MBD1: variants seen among roughly 807,000 people sequenced by gnomAD.
MBD1 encodes methyl-CpG-binding domain protein 1.
In MBD1, 25 loss-of-function variants were observed where a neutral mutation model predicts 82.6. The ratio of observed to expected loss-of-function variants is 0.30; its 90% CI spans 0.22 to 0.42. The LOEUF is 0.42. MBD1 is among the 10% of genes least tolerant of loss of function. The pLI is 1.00. For synonymous variants in MBD1, 301 were observed against 303.7 expected, an observed-to-expected ratio of 0.99 and a Z score of 0.09; for missense variants, 627 against 819.6, an observed-to-expected ratio of 0.76 and a Z score of 2.87.
intron 16 of MBD1, 199 bp from the exon 17 acceptor site, chr18:50,270,017 G>A (rs2034819273): frequency 1.3e-6 from 2 of 1,597,916 alleles, no homozygotes; most frequent in Non-Finnish European, 1.7e-6. Flanking sequence ...GAGTCTAAAT[G>A]TCAATCAAAT....
Position 50,276,687 on chromosome 18 carries a change from G to C in MBD1, c.450C>G (p.Leu150=), listed in dbSNP as rs746182559. 2 of 1,614,158 alleles carry C rather than the reference G, an allele frequency of 1.2e-6. No individual in the cohort carries two copies. The highest frequency in any genetic ancestry group is 2.2e-5 in the South Asian group (2 of 91,082). ...CTCGACAGTCTTTGCACAACGTTTTGAGCCGCTGCCTTTGGGTGCCATCCC... is the reference window on the plus strand; with the variant it reads ...CTCGACAGTCTTTGCACAACGTTTTCAGCCGCTGCCTTTGGGTGCCATCCC... ...FSGDGTQRQR[L]KTLCKDCRAQ... The change falls in exon 5 of 17, where the codon CTC becomes CTG. Residue 150 remains leucine, a synonymous_variant. Coordinates refer to ENST00000269468, the MANE Select transcript of MBD1 (RefSeq NM_015846.4).
chr18:50,267,557 A>T (rs1476772502), downstream of MBD1: 10 of 1,402,520 alleles, frequency 7.1e-6, no homozygotes, highest in Non-Finnish European at 9.8e-6. Flanking sequence ...GTTTCTGAGA[A>T]TCAGGATCCA....
chr18:50,276,298 A>G, intron 6 of MBD1, 80 bp downstream of exon 6: 1 of 1,428,916 alleles, frequency 7.0e-7, no homozygotes, highest in Non-Finnish European at 9.8e-7. Context: ...TGGACCCATC[A>G]TCATCCCTTC....
In MBD1 at chr18:50,275,157, G is replaced by A. The variant is rs1173827934; in HGVS notation, c.881C>T (p.Pro294Leu). The A allele has an allele frequency of 6.2e-7, 1 of 1,614,020 alleles. No homozygotes were observed. The highest frequency in any genetic ancestry group is 8.5e-7 in the Non-Finnish European group (1 of 1,180,014). Residue 294 changes from proline to leucine, a missense_variant, in exon 9 of 17, where the codon CCA becomes CTA. Coordinates refer to ENST00000269468, the MANE Select transcript of MBD1 (RefSeq NM_015846.4). ...CTCTGTGGGCTCTGGGGACTGTGAT[G>A]GGGGTGGTGGAGGCAGTGGCTGGGC... Reference protein sequence around the residue: ...PGAQPLPPPPPSQSPEPTEPH... With the variant: ...PGAQPLPPPPLSQSPEPTEPH...
Position 50,274,962 on chromosome 18 carries a change from G to A in MBD1, c.978+15C>T. 2 of 1,611,544 alleles carry A rather than the reference G, an allele frequency of 1.2e-6. No homozygotes were observed. The highest frequency in any genetic ancestry group is 2.2e-5 in the South Asian group (2 of 90,976). The stretch of plus-strand genomic sequence containing the variant: ...TGAGATTCTAGGCTTATCCAGGTAG[G>A]GTGGGGCCACTCACTAGCTCGTCCT... On this transcript the variant is annotated intron_variant, in intron 10 of 16. Coordinates refer to ENST00000269468, the MANE Select transcript of MBD1 (RefSeq NM_015846.4).
chr18:50,274,417 T>C, intron 10 of MBD1, 64 bp from the exon 11 acceptor site: 4 of 1,548,858 alleles, frequency 2.6e-6, no homozygotes, highest in Non-Finnish European at 3.5e-6. Flanking sequence ...TCAACGCCTA[T>C]TCCAGTGCTG....
rs1224916836 is a variant in MBD1 at position 50,276,913 on chromosome 18, C to A, written c.311G>T (p.Ser104Ile). 4 of 1,614,236 alleles carry A rather than the reference C, an allele frequency of 2.5e-6. No homozygotes were observed. The highest frequency in any genetic ancestry group is 1.7e-5 in the Admixed American group (1 of 60,026). Reference protein sequence around the residue: ...KTRKRQVGPQSGEVRKEAPRD... With the variant: ...KTRKRQVGPQIGEVRKEAPRD... ...CGGGGCCTCCTTCCTGACCTCACCA[C>A]TCTGGGGTCCAACCTGACGTTTCCG... Residue 104 changes from serine (S) to isoleucine (I), a missense_variant, in exon 4 of 17, where the codon AGT becomes ATT. Physicochemically the swap from Ser to Ile is moderately radical, Grantham distance 142. Transcript: ENST00000269468.
In MBD1 at chr18:50,272,895, CCTT is replaced by C; in HGVS notation, c.1642_1644del (p.Lys548del). 1 of 1,614,200 alleles carries C rather than the reference CCTT, an allele frequency of 6.2e-7. No homozygotes were observed. Among genetic ancestry groups the C allele is most frequent in the Non-Finnish European group, 8.5e-7 (1 of 1,180,034 alleles). On this transcript the variant is annotated inframe_deletion, in exon 14 of 17. Coordinates refer to ENST00000269468, the MANE Select transcript of MBD1 (RefSeq NM_015846.4). ...GAGGCAGAATCATCCTTGTTCTCCT[CCTT>C]GTCCTCCTCTGGGTCAGGTGGCTCT...
rs759128420 is a variant in MBD1 at position 50,272,660 on chromosome 18, C to T, written c.1778+17G>A. Reference sequence around the variant, plus strand: ...CAACACCCACTCCTTCCCCACCCCTCACTGTGTGGGGCACACCTTGGCAAC... The same window carrying T: ...CAACACCCACTCCTTCCCCACCCCTTACTGTGTGGGGCACACCTTGGCAAC... On this transcript the variant is annotated intron_variant, in intron 15 of 16. Transcript: ENST00000269468. The T allele has an allele frequency of 6.2e-7, 1 of 1,613,836 alleles. No individual in the cohort carries two copies. Among genetic ancestry groups the T allele is most frequent in the Non-Finnish European group, 8.5e-7 (1 of 1,179,702 alleles).
chr18:50,267,423 A>C, downstream of MBD1: 5 of 554,032 alleles, frequency 9.0e-6, no homozygotes, highest in East Asian at 2.9e-5. Context: ...GACTCAGGAT[A>C]TCCTAGGATG....
At chr18:50,272,789 G>A (rs1294395005) in intron 14 of MBD1, 35 bp downstream of exon 14, 1 of 1,614,254 alleles carries the variant, frequency 6.2e-7, no homozygotes, top group East Asian at 2.2e-5. Flanking sequence ...GGCTACAGCA[G>A]GGTCAGGGCA....
rs1427872127 is a variant in MBD1, at chr18:50,275,111, C to T, written c.909+18G>A. 2.5e-6 allele frequency: 4 copies of T among 1,613,148 alleles called. No individual in the cohort carries two copies. The highest frequency in any genetic ancestry group is 3.4e-6 in the Non-Finnish European group (4 of 1,179,126). Reference sequence around the variant, plus strand: ...TAAGGTCAGGGTTGTGCCTTCCCTCCACCCACTGGGGCCTCACCGGCTCTG... The same window carrying T: ...TAAGGTCAGGGTTGTGCCTTCCCTCTACCCACTGGGGCCTCACCGGCTCTG... On this transcript the variant is annotated intron_variant, in intron 9 of 16. Transcript: ENST00000269468.
At chr18:50,271,966 A>C (rs1324273754) in intron 15 of MBD1, among the ~76,000 whole-genome samples, 1 of 152,220 alleles carries the variant, frequency 6.6e-6, no homozygotes, top group Non-Finnish European at 1.5e-5. Flanking sequence ...TGCAGGAGCC[A>C]GCACTCCTCT....
chr18:50,281,511 G>A lies in MBD1; in HGVS notation c.-174C>T. On this transcript the variant is annotated 5_prime_UTR_variant, in exon 1 of 17. Coordinates refer to ENST00000269468, the MANE Select transcript of MBD1 (RefSeq NM_015846.4). The stretch of plus-strand genomic sequence containing the variant: ...AGCGGTAGCTGTCGCCTCCGCGGCT[G>A]TTCGTTGCTCCCGGAACCGGAAGTC... 1.7e-6 allele frequency: 1 copy of A among 577,572 alleles called. No individual in the cohort carries two copies. The highest frequency in any genetic ancestry group is 2.1e-5 in the South Asian group (1 of 46,526). 35.8% of individuals were successfully genotyped at this position (577,572 alleles called of 1,614,324 possible).
At chr18:50,269,944 T>A in intron 16 of MBD1, 126 bp from the exon 17 acceptor site, 3 of 1,404,568 alleles carry the variant, frequency 2.1e-6, no homozygotes, top group South Asian at 1.2e-5. Flanking sequence ...ATAATCTTTA[T>A]CTTAGTGGTT....
downstream of MBD1, chr18:50,268,830 A>T: frequency 1.2e-6 from 1 of 833,636 alleles, no homozygotes; most frequent in Non-Finnish European, 1.4e-6. Context: ...CCCAAAAGAA[A>T]CACTAAGCAT....
Position 50,277,155 on chromosome 18 carries a change from C to T in MBD1, c.160G>A (p.Gly54Ser). 1 of 1,614,192 alleles carries T rather than the reference C, an allele frequency of 6.2e-7. No homozygotes were observed. Among genetic ancestry groups the T allele is most frequent in the East Asian group, 2.2e-5 (1 of 44,876 alleles). The change falls in exon 3 of 17, where the codon GGC becomes AGC. Residue 54 changes from glycine (G) to serine (S), a missense_variant. Physicochemically the swap from Gly to Ser is moderately conservative, Grantham distance 56 (BLOSUM62 0). Transcript: ENST00000269468. Reference protein sequence around the residue: ...RSKVELTRYLGPACDLTLFDF... With the variant: ...RSKVELTRYLSPACDLTLFDF... The stretch of plus-strand genomic sequence containing the variant: ...AAGAGGGTGAGATCACACGCAGGGC[C>T]CAGGTATCGAGTCAGCTCAACTTTG...
At chr18:50,270,170 G>A (rs2034915531) in intron 16 of MBD1, 1 of 1,597,770 alleles carries the variant, frequency 6.3e-7, no homozygotes, top group African/African-American at 1.3e-5. Context: ...GGGTGGGGAA[G>A]GTGGCAGAGG....
At position 50,271,545 on chromosome 18, in the gene MBD1, G is replaced by A; in HGVS notation, c.1779-5C>T. The stretch of plus-strand genomic sequence containing the variant: ...GGTTTTTTAAGGTCTTTGGACCTAG[G>A]GAAAAGGGAGCAGGTCTGTATGTTG... On this transcript the variant is annotated splice_polypyrimidine_tract_variant and splice_region_variant and intron_variant, in intron 15 of 16. Coordinates refer to ENST00000269468, the MANE Select transcript of MBD1 (RefSeq NM_015846.4). 6.2e-7 allele frequency: 1 copy of A among 1,614,194 alleles called. No homozygotes were observed. Among genetic ancestry groups the A allele is most frequent in the South Asian group, 1.1e-5 (1 of 91,076 alleles).
Sources: allele counts gnomAD v4.1 joint callset (sites outside exome capture counted in the v4.1 genomes callset), GRCh38; gene constraint gnomAD v4.1.1; transcripts MANE v1.5; gene names NCBI Gene and HGNC (gene_info 2026-07-23, HGNC 2026-07-21).